Variants in UNC80 observed in about 807,000 individuals in gnomAD.
UNC80 encodes unc-80 subunit of NALCN channel complex.
Under a neutral mutation model 384.6 loss-of-function variants are expected in UNC80, and 164 were observed. That is an observed-to-expected ratio of 0.43 (90% CI 0.38 to 0.49). The LOEUF (loss-of-function observed/expected upper bound fraction) is 0.49, where lower values mean the gene tolerates loss of function less well. Ranked by LOEUF, UNC80 falls within the 20% of genes least tolerant of loss-of-function variation. The probability of loss-of-function intolerance (pLI) is 0.00; values close to 1 mark genes in which losing one functional copy is unlikely to be tolerated. For missense variants in UNC80, 3,330 were observed against 4,143.0 expected (o/e 0.80, Z 5.39); for synonymous variants, 1,486 against 1,527.8 (o/e 0.97, Z 0.64).
rs113430276 is a variant in UNC80, at chr2:209,913,387, A to G, written c.4891-415A>G. Among the ~76,000 whole-genome samples the G allele has an allele frequency of 2.0e-3, 310 of 152,274 alleles. 1 individual carries two copies. The highest frequency in any genetic ancestry group is 6.8e-3 in the African/African-American group (281 of 41,570). ...AAGGGAAATGCCATGCATGTTCACA[A>G]TGGGCTTTTTCATCAGTTACAGGCT... On this transcript the variant is annotated intron_variant, in intron 30 of 64. Coordinates refer to ENST00000673920, the MANE Select transcript of UNC80 (RefSeq NM_001371986.1).
intron 47 of UNC80, among the ~76,000 whole-genome samples, chr2:209,947,366 C>T (rs563417204): frequency 6.6e-6 from 1 of 152,238 alleles, no homozygotes; most frequent in South Asian, 2.1e-4. Context: ...TAGAGAACAC[C>T]TAAGTTTGAC....
chr2:209,772,239 C>A, intron 1 of UNC80, 75 bp downstream of exon 1: 2 of 759,972 alleles, frequency 2.6e-6, no homozygotes, highest in Non-Finnish European at 3.5e-6. Context: ...GTCGCCGCTG[C>A]CGCCGCCGCC....
intron 16 of UNC80, among the ~76,000 whole-genome samples, chr2:209,831,992 G>C (rs928790393): frequency 6.6e-6 from 1 of 152,132 alleles, no homozygotes; most frequent in African/African-American, 2.4e-5. Context: ...GCTGAAATTG[G>C]TTTTGTTTTC....
intron 14 of UNC80, among the ~76,000 whole-genome samples, chr2:209,828,792 AT>A (rs2080738054): frequency 6.6e-6 from 1 of 152,082 alleles, no homozygotes; most frequent in African/African-American, 2.4e-5. Flanking sequence ...ATTCCACTGT[AT>A]AGACATTCTT....
intron 47 of UNC80, among the ~76,000 whole-genome samples, chr2:209,953,356 A>C (rs1476006557): frequency 7.2e-6 from 1 of 139,500 alleles, no homozygotes; most frequent in African/African-American, 2.7e-5. Flanking sequence ...CAGAGGTTGT[A>C]GTGAGCCGAA....
At chr2:209,789,086 A>C (rs775963287) in intron 5 of UNC80, among the ~76,000 whole-genome samples, 5 of 152,174 alleles carry the variant, frequency 3.3e-5, no homozygotes, top group Non-Finnish European at 7.3e-5. Flanking sequence ...TATAGCCTAG[A>C]TGTGTAGGTG....
intron 15 of UNC80, among the ~76,000 whole-genome samples, chr2:209,830,367 T>A (rs1204547559): frequency 6.6e-6 from 1 of 152,194 alleles, no homozygotes; most frequent in East Asian, 1.9e-4. Context: ...AGGATGGCAG[T>A]TGAGACAATG....
intron 25 of UNC80, among the ~76,000 whole-genome samples, chr2:209,883,793 T>C (rs1418578604): frequency 2.6e-5 from 4 of 152,210 alleles, no homozygotes; most frequent in Non-Finnish European, 4.4e-5. Context: ...AGTGGAATCA[T>C]GCAGTATTTG....
At chr2:209,988,767 G>A (rs1242386788) in intron 61 of UNC80, among the ~76,000 whole-genome samples, 1 of 152,076 alleles carries the variant, frequency 6.6e-6, no homozygotes, top group Non-Finnish European at 1.5e-5. Flanking sequence ...TTTGGTTTTT[G>A]TAGATAATAT....
In UNC80 at chr2:209,918,517, G is replaced by T; in HGVS notation, c.5212-15G>T. Reference sequence around the variant, plus strand: ...ATATTCCCTCTCACCTAATTTTTCTGATGTCAACTAACAGATTCCGCCTCC... The same window carrying T: ...ATATTCCCTCTCACCTAATTTTTCTTATGTCAACTAACAGATTCCGCCTCC... On this transcript the variant is annotated splice_polypyrimidine_tract_variant and intron_variant, in intron 32 of 64. Coordinates refer to ENST00000673920, the MANE Select transcript of UNC80 (RefSeq NM_001371986.1). 3.2e-6 allele frequency: 5 copies of T among 1,549,982 alleles called. No homozygotes were observed. The highest frequency in any genetic ancestry group is 3.5e-6 in the Non-Finnish European group (4 of 1,145,570).
At chr2:209,911,855 T>C (rs1329736880) in intron 29 of UNC80, among the ~76,000 whole-genome samples, 1 of 152,206 alleles carries the variant, frequency 6.6e-6, no homozygotes, top group African/African-American at 2.4e-5. Context: ...CCTTGGCATT[T>C]AAGGAGTTAG....
chr2:209,922,374 A>T lies in UNC80; in HGVS notation c.5653A>T (p.Ser1885Cys), dbSNP rs79819256. Reference sequence around the variant, plus strand: ...AGTCTGGTCAGTGCGTTCAGCCGTCAGTGCTGAAGGTGTGTCCTCTTGCAT... The same window carrying T: ...AGTCTGGTCAGTGCGTTCAGCCGTCTGTGCTGAAGGTGTGTCCTCTTGCAT... Reference protein sequence around the residue: ...GSVWSVRSAVSAEDEEHTTEH... With the variant: ...GSVWSVRSAVCAEDEEHTTEH... Residue 1885 changes from serine to cysteine, a missense_variant, in exon 35 of 65, where the codon AGT becomes TGT. By Grantham distance (112) the Ser-to-Cys change is moderately radical. Transcript: ENST00000673920. 9.2e-5 allele frequency: 143 copies of T among 1,551,708 alleles called. No homozygotes were observed. The East Asian group carries it at 3.4e-3, about 37-fold the overall frequency.
rs903338300 is a variant in UNC80 at position 209,918,512 on chromosome 2, T to A, written c.5212-20T>A. 4 of 1,549,980 alleles carry A rather than the reference T, an allele frequency of 2.6e-6. No individual in the cohort carries two copies. Among genetic ancestry groups the A allele is most frequent in the Middle Eastern group, 1.7e-4 (1 of 5,988 alleles). Reference sequence around the variant, plus strand: ...AGCTTATATTCCCTCTCACCTAATTTTTCTGATGTCAACTAACAGATTCCG... The same window carrying A: ...AGCTTATATTCCCTCTCACCTAATTATTCTGATGTCAACTAACAGATTCCG... On this transcript the variant is annotated intron_variant, in intron 32 of 64. Transcript: ENST00000673920.
Position 209,926,829 on chromosome 2 carries a change from G to A in UNC80, c.5663-14G>A. On this transcript the variant is annotated splice_polypyrimidine_tract_variant and intron_variant, in intron 35 of 64. Transcript: ENST00000673920. The stretch of plus-strand genomic sequence containing the variant: ...TTACTGAGAAAAGCACCCTGATTTT[G>A]TCTCCCATTTTAGATGAGGAACATA... The A allele has an allele frequency of 6.4e-7, 1 of 1,551,766 alleles. No homozygotes were observed. Among genetic ancestry groups the A allele is most frequent in the Non-Finnish European group, 8.7e-7 (1 of 1,146,874 alleles).
At chr2:209,992,332 T>C in intron 62 of UNC80, 85 bp downstream of exon 62, 1 of 1,317,336 alleles carries the variant, frequency 7.6e-7, no homozygotes. Context: ...TATTAAGATA[T>C]TTTGCTGCTG....
chr2:209,822,978 G>A (rs1393508158), intron 13 of UNC80, among the ~76,000 whole-genome samples: 3 of 152,040 alleles, frequency 2.0e-5, no homozygotes, highest in African/African-American at 7.2e-5. Flanking sequence ...AAAACCTGAT[G>A]GTGGGTCAAA....
chr2:209,949,601 C>T (rs2092065999), intron 47 of UNC80, among the ~76,000 whole-genome samples: 1 of 152,084 alleles, frequency 6.6e-6, no homozygotes, highest in Non-Finnish European at 1.5e-5. Flanking sequence ...CCTCTGCCTC[C>T]CGAGTAGCTG....
At chr2:209,919,811 G>C (rs1226627609) in intron 33 of UNC80, among the ~76,000 whole-genome samples, 1 of 152,154 alleles carries the variant, frequency 6.6e-6, no homozygotes, top group African/African-American at 2.4e-5. Context: ...CCAACATAAA[G>C]TTATCTTTGA....
At chr2:209,949,134 A>G (rs979066512) in intron 47 of UNC80, among the ~76,000 whole-genome samples, 1 of 152,134 alleles carries the variant, frequency 6.6e-6, no homozygotes, top group African/African-American at 2.4e-5. Context: ...TGTTAATGAG[A>G]GCTATGTCTG....
Sources: allele counts gnomAD v4.1 joint callset (sites outside exome capture counted in the v4.1 genomes callset), GRCh38; gene constraint gnomAD v4.1.1; transcripts MANE v1.5; gene names NCBI Gene and HGNC (gene_info 2026-07-23, HGNC 2026-07-21).